NDUFA10: variants seen among roughly 807,000 people sequenced by gnomAD.
The protein encoded by NDUFA10 is NADH dehydrogenase [ubiquinone] 1 alpha subcomplex subunit 10, mitochondrial.
A neutral mutation model predicts 47.8 loss-of-function variants in NDUFA10; 40 were observed. That is an observed-to-expected ratio of 0.84 (90% CI 0.65 to 1.09). The LOEUF (loss-of-function observed/expected upper bound fraction) is 1.09. Among genes scored for constraint, NDUFA10 ranks in the 50% least tolerant of loss-of-function variants. NDUFA10 has a pLI of 0.00. For missense variants in NDUFA10, 413 were observed against 451.1 expected (o/e 0.92, Z 0.76); for synonymous variants, 183 against 172.2 (o/e 1.06, Z -0.49).
At chr2:240,019,927 C>T (rs1452922396) in intron 3 of NDUFA10, among the ~76,000 whole-genome samples, 1 of 151,852 alleles carries the variant, frequency 6.6e-6, no homozygotes, top group East Asian at 1.9e-4. Context: ...TGGTAAAGAA[C>T]CTCAAACCAG....
At chr2:239,898,839 T>C (rs1693451462) in intron 4 of NDUFA10, among the ~76,000 whole-genome samples, 2 of 152,186 alleles carry the variant, frequency 1.3e-5, no homozygotes, top group South Asian at 4.1e-4. Context: ...CAGCAAGCAT[T>C]TTTCTGAGCT....
chr2:240,018,300 G>A (rs189904201), intron 4 of NDUFA10: 68 of 1,054,956 alleles, frequency 6.4e-5, no homozygotes, highest in Non-Finnish European at 7.1e-5. Context: ...TTTAAGCTGC[G>A]TGTGTTTGAG....
downstream of NDUFA10, chr2:239,957,361 A>C (rs1422140783): frequency 6.6e-6 from 1 of 152,218 alleles, no homozygotes; most frequent in Non-Finnish European, 1.5e-5. Flanking sequence ...TAATATAATC[A>C]CCAGGTATAG....
intron 4 of NDUFA10, among the ~76,000 whole-genome samples, chr2:239,922,045 C>G (rs2106368739): frequency 7.0e-6 from 1 of 142,844 alleles, no homozygotes; most frequent in Middle Eastern, 3.5e-3. Context: ...TCCTTCCCTT[C>G]TTCCCTCCCT....
At chr2:240,002,938 C>G (rs1274939743) in intron 8 of NDUFA10, among the ~76,000 whole-genome samples, 1 of 152,126 alleles carries the variant, frequency 6.6e-6, no homozygotes, top group East Asian at 1.9e-4. Context: ...CAGCCTCAAC[C>G]TCCCAGGTTC....
At chr2:239,998,975 GCA>G (rs928489312) in intron 8 of NDUFA10, among the ~76,000 whole-genome samples, 7 of 152,174 alleles carry the variant, frequency 4.6e-5, no homozygotes, top group Non-Finnish European at 7.3e-5. Context: ...CCAACCCACA[GCA>G]CACAGGCTCA....
intron 4 of NDUFA10, among the ~76,000 whole-genome samples, chr2:239,916,862 C>G (rs545565525): frequency 5.5e-4 from 84 of 152,376 alleles, no homozygotes; most frequent in Non-Finnish European, 9.6e-4. Flanking sequence ...TTGCACCATC[C>G]CTTTGGCCAT....
chr2:239,952,436 A>G (rs898001571), downstream of NDUFA10, among the ~76,000 whole-genome samples: 12 of 152,152 alleles, frequency 7.9e-5, no homozygotes, highest in Admixed American at 1.3e-4. Context: ...CAGGGCCCCA[A>G]CTGTGCGGCT....
chr2:239,978,652 C>T (rs753198795), intron 9 of NDUFA10, among the ~76,000 whole-genome samples: 1 of 152,202 alleles, frequency 6.6e-6, no homozygotes, highest in Non-Finnish European at 1.5e-5. Flanking sequence ...TGGTCTGTTT[C>T]CCAGCAGCGA....
intron 4 of NDUFA10, among the ~76,000 whole-genome samples, chr2:239,899,819 CCAT>C (rs1356655974): frequency 1.3e-5 from 2 of 151,218 alleles, no homozygotes; most frequent in Non-Finnish European, 3.0e-5. Flanking sequence ...CACACAAAAC[CCAT>C]CATCATCCAC....
At chr2:239,961,248 T>A in intron 9 of NDUFA10, 62 bp from the exon 10 acceptor site, 2 of 1,612,490 alleles carry the variant, frequency 1.2e-6, no homozygotes, top group Non-Finnish European at 1.7e-6. Context: ...CCCCAGCTCA[T>A]AGTTCAATGT....
intron 9 of NDUFA10, among the ~76,000 whole-genome samples, chr2:239,965,306 G>GT (rs944496131): frequency 3.3e-5 from 5 of 151,902 alleles, no homozygotes; most frequent in African/African-American, 1.2e-4. Context: ...GAACCATGCG[G>GT]GGGGGGAGGG....
chr2:240,010,315 G>A (rs189196913), intron 6 of NDUFA10, among the ~76,000 whole-genome samples: 216 of 152,234 alleles, frequency 1.4e-3, no homozygotes, highest in African/African-American at 5.0e-3. Flanking sequence ...AATGCTTGAG[G>A]CTTAACGAGT....
At chr2:239,904,037 C>A (rs1269526243) in intron 4 of NDUFA10, among the ~76,000 whole-genome samples, 1 of 151,910 alleles carries the variant, frequency 6.6e-6, no homozygotes, top group East Asian at 1.9e-4. Context: ...GGAGCCCAGG[C>A]TGTCCTGAGC....
chr2:240,022,083 A>C, intron 2 of NDUFA10, 89 bp downstream of exon 2: 1 of 1,063,780 alleles, frequency 9.4e-7, no homozygotes, highest in Non-Finnish European at 1.3e-6. Context: ...ATTTAATATT[A>C]TTTAATATTA....
chr2:239,985,196 C>G (rs2106435205), intron 9 of NDUFA10, among the ~76,000 whole-genome samples: 1 of 152,286 alleles, frequency 6.6e-6, no homozygotes, highest in East Asian at 1.9e-4. Context: ...GGGACCAGAC[C>G]ACTCACACAG....
chr2:239,896,805 T>C (rs1298114804), intron 4 of NDUFA10, among the ~76,000 whole-genome samples: 1 of 152,094 alleles, frequency 6.6e-6, no homozygotes, highest in African/African-American at 2.4e-5. Context: ...CAACAAGATG[T>C]TTGGGATTTG....
chr2:239,967,096 A>T (rs1472116485), intron 9 of NDUFA10, among the ~76,000 whole-genome samples: 1 of 152,156 alleles, frequency 6.6e-6, no homozygotes, highest in African/African-American at 2.4e-5. Context: ...GCTTGAGATA[A>T]ATTTCTAGAA....
At chr2:240,005,188 G>A (rs779308895) in intron 8 of NDUFA10, 22 bp downstream of exon 8, 1 of 1,595,182 alleles carries the variant, frequency 6.3e-7, no homozygotes, top group Non-Finnish European at 8.6e-7. Flanking sequence ...ACATGCAGCA[G>A]CCCCCACACA....
Sources: allele counts gnomAD v4.1 joint callset (sites outside exome capture counted in the v4.1 genomes callset), GRCh38; gene constraint gnomAD v4.1.1; transcripts MANE v1.5; gene names NCBI Gene and HGNC (gene_info 2026-07-23, HGNC 2026-07-21).